Variants in RIF1 observed in about 807,000 individuals in gnomAD.
RIF1 encodes telomere-associated protein RIF1.
In RIF1, 45 loss-of-function variants were observed where a neutral mutation model predicts 247.1. The observed-to-expected ratio is 0.18, with a 90% CI of 0.14 to 0.23. RIF1 has a LOEUF of 0.23. Ranked by LOEUF, RIF1 falls within the 10% of genes least tolerant of loss-of-function variation. The pLI, the probability that RIF1 is intolerant of heterozygous loss-of-function variation, is 1.00. For missense variants in RIF1, 2,967 were observed against 2,862.5 expected, an observed-to-expected ratio of 1.04 and a Z score of -0.83; for synonymous variants, 1,087 against 978.8, an observed-to-expected ratio of 1.11 and a Z score of -2.06.
rs564095674 is a variant in RIF1 at position 151,479,575 on chromosome 2, A to G, written c.*4504A>G. The G allele has an allele frequency of 3.1e-4, 47 of 152,296 alleles. No individual in the cohort carries two copies. The highest frequency in any genetic ancestry group is 9.9e-4 in the African/African-American group (41 of 41,570). 9.4% of individuals were successfully genotyped at this position (152,296 alleles called of 1,614,324 possible). On this transcript the variant is annotated 3_prime_UTR_variant, in exon 36 of 36. Transcript: ENST00000444746. ...TTAGTAGTGCTATAATGAATAAGTC[A>G]GTCTAGCAGATATGCCCTGTCATTA...
chr2:151,498,781 A>ACTC (rs1331305980), intron 10 of RIF1, among the ~76,000 whole-genome samples: 2 of 151,866 alleles, frequency 1.3e-5, no homozygotes, highest in African/African-American at 4.8e-5. Context: ...CATACACACA[A>ACTC]CTCTTCTTTT....
chr2:151,454,572 G>A (rs1694888588), intron 21 of RIF1, among the ~76,000 whole-genome samples: 1 of 152,080 alleles, frequency 6.6e-6, no homozygotes. Context: ...CATATTAGTT[G>A]TTGAAATTTT....
chr2:151,493,741 G>T (rs756558819), intron 9 of RIF1: 1 of 1,444,214 alleles, frequency 6.9e-7, no homozygotes, highest in Non-Finnish European at 9.5e-7. Flanking sequence ...GGGCTGTTAA[G>T]ATTTTAAGGA....
At chr2:151,470,044 C>T (rs568768262) in intron 34 of RIF1, among the ~76,000 whole-genome samples, 180 bp downstream of exon 34, 14 of 152,026 alleles carry the variant, frequency 9.2e-5, no homozygotes, top group Non-Finnish European at 1.5e-4. Context: ...AAATTCTGTT[C>T]ATCCCCTTCT....
chr2:151,520,245 G>C, the RIF1 span, among the ~76,000 whole-genome samples: 5 of 152,248 alleles, frequency 3.3e-5, no homozygotes, highest in African/African-American at 1.2e-4. Flanking sequence ...TTTTAAAATA[G>C]TACTTTGGCT....
rs747564597 is a variant in RIF1 at position 151,497,655 on chromosome 2, C to CTCTT, written c.*514-1687_*514-1684dup. On this transcript the variant is annotated intron_variant and NMD_transcript_variant, in intron 10 of 13. Coordinates refer to the RIF1 transcript ENST00000454583. ...CTAATATTTTCTTGATTGTGTTTGA[C>CTCTT]TCTTTCCATCTCGGGAGTGACAGGT... 6.3e-7 allele frequency: 1 copy of CTCTT among 1,582,922 alleles called. No homozygotes were observed. The highest frequency in any genetic ancestry group is 1.3e-5 in the African/African-American group (1 of 74,504).
rs954398220 is a variant in RIF1, at chr2:151,481,685, A to G, written c.*6614A>G. On this transcript the variant is annotated 3_prime_UTR_variant, in exon 36 of 36. Coordinates refer to ENST00000444746, the MANE Select transcript of RIF1 (RefSeq NM_018151.5). ...TTCATTCCTCAGTTACCTGCAAATA[A>G]TGGAAATAATGGTGCAGTCAGTTTT... 1 of 152,254 alleles carries G rather than the reference A, an allele frequency of 6.6e-6. No homozygotes were observed. The highest frequency in any genetic ancestry group is 2.4e-5 in the African/African-American group (1 of 41,470). The allele number at this position is 152,254 out of a possible 1,614,324, so 9.4% of individuals were successfully genotyped here.
the RIF1 span, chr2:151,518,377 T>C: frequency 3.1e-6 from 5 of 1,612,550 alleles, no homozygotes; most frequent in Non-Finnish European, 3.4e-6. Flanking sequence ...TCGGGTATGG[T>C]GTGGTAGTGG....
chr2:151,498,385 AG>A (rs1559231458), intron 10 of RIF1: 5 of 1,463,444 alleles, frequency 3.4e-6, no homozygotes, highest in Non-Finnish European at 9.3e-7. Context: ...GAACAAAAAA[AG>A]CAATCAATCA....
the RIF1 span, among the ~76,000 whole-genome samples, chr2:151,516,251 C>T: frequency 6.6e-6 from 1 of 152,268 alleles, no homozygotes; most frequent in African/African-American, 2.4e-5. Context: ...TGAAATAAGA[C>T]ATATGGTAAA....
At chr2:151,437,553 T>C (rs544160721) in intron 13 of RIF1, among the ~76,000 whole-genome samples, 7 of 152,146 alleles carry the variant, frequency 4.6e-5, no homozygotes, top group African/African-American at 1.7e-4. Context: ...TAGGTGGGCA[T>C]GTTGGCAGAT....
At position 151,498,269 on chromosome 2, in the gene RIF1, G is replaced by T. The variant is rs2061715771; in HGVS notation, c.*514-1076G>T. 1 of 1,551,178 alleles carries T rather than the reference G, an allele frequency of 6.4e-7. No homozygotes were observed. The highest frequency in any genetic ancestry group is 1.4e-5 in the African/African-American group (1 of 72,976). The stretch of plus-strand genomic sequence containing the variant: ...TTTCTTTCCAAAATACCGAGCTAAG[G>T]TTTTCTTGATTGTGTTTGACTCTCT... On this transcript the variant is annotated intron_variant and NMD_transcript_variant, in intron 10 of 13. Transcript: ENST00000454583.
intron 9 of RIF1, among the ~76,000 whole-genome samples, chr2:151,431,717 G>A (rs1690161186): frequency 6.6e-6 from 1 of 152,164 alleles, no homozygotes; most frequent in African/African-American, 2.4e-5. Flanking sequence ...GGAGGAGGCT[G>A]CAGTGAGCCG....
At chr2:151,445,255 A>G (rs1478278459) in intron 18 of RIF1, 83 bp from the exon 19 acceptor site, 8 of 837,298 alleles carry the variant, frequency 9.6e-6, no homozygotes, top group Non-Finnish European at 1.6e-5. Flanking sequence ...AGTTTTGCCC[A>G]CTACTTATAA....
the RIF1 span, chr2:151,513,706 T>C: frequency 6.5e-7 from 1 of 1,535,814 alleles, no homozygotes; most frequent in Non-Finnish European, 8.9e-7. Context: ...ATAGTAGCAT[T>C]AAAAGAAAAA....
At chr2:151,490,599 T>C in intron 9 of RIF1, 1 of 1,497,336 alleles carries the variant, frequency 6.7e-7, no homozygotes. Context: ...TGAATCTCAG[T>C]TATTGTTATC....
the RIF1 span, among the ~76,000 whole-genome samples, chr2:151,523,888 GAA>G: frequency 6.7e-6 from 1 of 150,046 alleles, no homozygotes; most frequent in Non-Finnish European, 1.5e-5. Flanking sequence ...TATGTTTAAT[GAA>G]AAAAAAATGA....
Position 151,455,137 on chromosome 2 carries a change from G to T in RIF1, c.2587G>T (p.Ala863Ser). ...ATTTGCAACTTTAACAAGACCTCTG[G>T]CATTATTTTATGAAAACTCAAAGTA... ...KIFATLTRPL[A>S]LFYENSKLDE... Residue 863 changes from alanine (A) to serine (S), a missense_variant, in exon 22 of 36, where the codon GCA (alanine) becomes TCA (serine). Around this residue, in one of 7 missense-constraint regions of RIF1, gnomAD observed 2,028 missense variants for 1,825.6 expected, o/e 1.11. Coordinates refer to ENST00000444746, the MANE Select transcript of RIF1 (RefSeq NM_018151.5). 6.2e-7 allele frequency: 1 copy of T among 1,610,378 alleles called. No individual in the cohort carries two copies. The highest frequency in any genetic ancestry group is 8.5e-7 in the Non-Finnish European group (1 of 1,178,388).
intron 8 of RIF1, 181 bp downstream of exon 8, chr2:151,423,223 T>C: frequency 1.9e-6 from 1 of 529,772 alleles, no homozygotes; most frequent in Non-Finnish European, 3.3e-6. Context: ...GCTTTTGCTT[T>C]CATTTGTAGA....
Sources: allele counts gnomAD v4.1 joint callset (sites outside exome capture counted in the v4.1 genomes callset), GRCh38; gene constraint gnomAD v4.1.1; regional missense constraint gnomAD v4.1.1; transcripts MANE v1.5; gene names NCBI Gene and HGNC (gene_info 2026-07-23, HGNC 2026-07-21).